The following MAF variants were observed in gnomAD, a reference collection of about 807,000 sequenced individuals.
The protein encoded by MAF is transcription factor Maf.
In MAF, 10 loss-of-function variants were observed where a neutral mutation model predicts 22.0. That is an observed-to-expected ratio of 0.45 (90% CI 0.28 to 0.77). MAF has a LOEUF of 0.77. MAF is among the 30% of genes least tolerant of loss of function. The probability of loss-of-function intolerance (pLI) is 0.12; values close to 1 mark genes in which losing one functional copy is unlikely to be tolerated. For synonymous variants in MAF, 337 were observed against 255.8 expected, an observed-to-expected ratio of 1.32 and a Z score of -3.03; for missense variants, 544 against 548.4, an observed-to-expected ratio of 0.99 and a Z score of 0.08.
At chr16:79,375,499 G>GTGA in the MAF span, among the ~76,000 whole-genome samples, 1 of 151,952 alleles carries the variant, frequency 6.6e-6, no homozygotes, top group Non-Finnish European at 1.5e-5. Context: ...GATAATGATG[G>GTGA]TGATGATGAT....
chr16:79,520,495 G>A, the MAF span, among the ~76,000 whole-genome samples: 1 of 152,136 alleles, frequency 6.6e-6, no homozygotes, highest in Non-Finnish European at 1.5e-5. Context: ...GCGTGTGTGT[G>A]TGTGTGCTTG....
the MAF span, among the ~76,000 whole-genome samples, chr16:79,534,501 T>C: frequency 6.7e-6 from 1 of 148,624 alleles, no homozygotes; most frequent in Non-Finnish European, 1.5e-5. Context: ...TATCCTTTTA[T>C]CCACCAAACC....
chr16:79,599,277 G>A lies in MAF; in HGVS notation c.626C>T (p.Ser209Leu), dbSNP rs915878123. Residue 209 changes from serine to leucine, a missense_variant, in exon 1 of 2, where the codon TCG becomes TTG. Physicochemically the swap from Ser to Leu is moderately radical, Grantham distance 145 (BLOSUM62 -2). Around this residue, in one of 5 missense-constraint regions of MAF, gnomAD observed 342 missense variants for 315.5 expected, o/e 1.08. Coordinates refer to ENST00000326043, the MANE Select transcript of MAF (RefSeq NM_005360.5). ...APGAAGSAAA[S>L]AGGAGGAGGG... is the part of the protein sequence containing the mutation. ...GCCCGCGCCCCCAGCGCCACCGGCCGAGGCGGCCGCGCTGCCCGCGGCGCC... is the reference window on the plus strand; with the variant it reads ...GCCCGCGCCCCCAGCGCCACCGGCCAAGGCGGCCGCGCTGCCCGCGGCGCC... 9.2e-6 allele frequency: 9 copies of A among 978,752 alleles called. No homozygotes were observed. In the African/African-American group the frequency reaches 1.2e-4, roughly 13 times the overall value. 60.6% of individuals were successfully genotyped at this position (978,752 alleles called of 1,614,324 possible).
At chr16:79,308,654 G>C in the MAF span, among the ~76,000 whole-genome samples, 1 of 152,122 alleles carries the variant, frequency 6.6e-6, no homozygotes, top group Non-Finnish European at 1.5e-5. Context: ...CAGTTGCCTG[G>C]GAATGTATTG....
chr16:79,594,972 T>G lies in MAF; in HGVS notation c.1119-419A>C. The G allele has an allele frequency of 2.8e-6, 3 of 1,088,214 alleles. No individual in the cohort carries two copies. The African/African-American group carries it at 4.9e-5, about 18-fold the overall frequency. The allele number at this position is 1,088,214 out of a possible 1,614,324, so 67.4% of individuals were successfully genotyped here. A position where few individuals can be genotyped will look rare whatever the true frequency, so the allele number is the denominator to read the frequency against. ...TATTTTCCTTCCAATCCAGGCCTCATTTGTCATGAGATAACTGCAATAACT... is the reference window on the plus strand; with the variant it reads ...TATTTTCCTTCCAATCCAGGCCTCAGTTGTCATGAGATAACTGCAATAACT... On this transcript the variant is annotated intron_variant, in intron 1 of 1. Transcript: ENST00000326043.
chr16:79,517,789 G>T, the MAF span, among the ~76,000 whole-genome samples: 1 of 152,024 alleles, frequency 6.6e-6, no homozygotes, highest in Admixed American at 6.6e-5. Flanking sequence ...TGGCCAGGCT[G>T]GTCTCAAACT....
chr16:79,348,473 C>T, the MAF span, among the ~76,000 whole-genome samples: 3 of 152,044 alleles, frequency 2.0e-5, no homozygotes, highest in African/African-American at 7.2e-5. Context: ...TTCTGGGACA[C>T]GTAATGTTAT....
chr16:79,217,886 T>G, the MAF span, among the ~76,000 whole-genome samples: 1 of 148,394 alleles, frequency 6.7e-6, no homozygotes, highest in Non-Finnish European at 1.5e-5. Context: ...GAAGGAGGCC[T>G]GATGACGTTC....
the MAF span, among the ~76,000 whole-genome samples, chr16:79,292,385 A>G: frequency 6.6e-6 from 1 of 152,176 alleles, no homozygotes; most frequent in Non-Finnish European, 1.5e-5. Context: ...AGTTAGAGGC[A>G]AGGAAATTCT....
At chr16:79,275,808 G>A in the MAF span, among the ~76,000 whole-genome samples, 1 of 152,190 alleles carries the variant, frequency 6.6e-6, no homozygotes, top group African/African-American at 2.4e-5. Context: ...AAAATGGAAA[G>A]GAAGTTCATT....
chr16:79,599,095 ACATGG>A lies in MAF; in HGVS notation c.803_807del (p.Thr268IlefsTer106). ...AGCTGCCGGTTCAGCTCGCGCACAG[ACATGG>A]TCACCAGCTGCTCGTCGGAGAAGCG... On this transcript the variant is annotated frameshift_variant, in exon 1 of 2. Transcript: ENST00000326043. LOFTEE classifies it high-confidence loss of function. 2 of 1,607,122 alleles carry A rather than the reference ACATGG, an allele frequency of 1.2e-6. No individual in the cohort carries two copies. Among genetic ancestry groups the A allele is most frequent in the Admixed American group, 1.7e-5 (1 of 59,878 alleles).
At chr16:79,570,643 G>C in the MAF span, among the ~76,000 whole-genome samples, 1 of 152,146 alleles carries the variant, frequency 6.6e-6, no homozygotes, top group African/African-American at 2.4e-5. Flanking sequence ...TCTATGGGTG[G>C]GTCAGGATAA....
the MAF span, among the ~76,000 whole-genome samples, chr16:79,224,819 C>T: frequency 2.0e-5 from 3 of 152,210 alleles, no homozygotes; most frequent in East Asian, 3.9e-4. Flanking sequence ...TATGAAAGAC[C>T]TCTTCAAGGA....
chr16:79,315,185 C>T, the MAF span, among the ~76,000 whole-genome samples: 1 of 152,134 alleles, frequency 6.6e-6, no homozygotes, highest in African/African-American at 2.4e-5. Context: ...GAGCAAATAT[C>T]ATTCCTGCCC....
chr16:79,364,490 G>T, the MAF span, among the ~76,000 whole-genome samples: 35 of 152,284 alleles, frequency 2.3e-4, no homozygotes, highest in African/African-American at 8.4e-4. Context: ...GAAGAGGAAC[G>T]GTCCCAGAAC....
the MAF span, among the ~76,000 whole-genome samples, chr16:79,327,671 T>C: frequency 6.6e-6 from 1 of 152,202 alleles, no homozygotes; most frequent in African/African-American, 2.4e-5. Flanking sequence ...ATACACATTT[T>C]TGTTCATCGT....
chr16:79,253,373 T>A, the MAF span, among the ~76,000 whole-genome samples: 2 of 152,196 alleles, frequency 1.3e-5, no homozygotes, highest in Admixed American at 1.3e-4. Context: ...TCTGCAGCTT[T>A]TTCCAGAGAT....
the MAF span, among the ~76,000 whole-genome samples, chr16:79,494,809 G>A: frequency 6.6e-6 from 1 of 152,292 alleles, no homozygotes; most frequent in South Asian, 2.1e-4. Flanking sequence ...TCAGTCATAA[G>A]TCTGGGCCTC....
At chr16:79,272,669 C>G in the MAF span, among the ~76,000 whole-genome samples, 36 of 152,250 alleles carry the variant, frequency 2.4e-4, no homozygotes, top group Non-Finnish European at 7.3e-5. Flanking sequence ...AGAGCCGATA[C>G]TCTGAGTTAA....
Sources: allele counts gnomAD v4.1 joint callset (sites outside exome capture counted in the v4.1 genomes callset), GRCh38; gene constraint gnomAD v4.1.1; regional missense constraint gnomAD v4.1.1; transcripts MANE v1.5; gene names NCBI Gene and HGNC (gene_info 2026-07-23, HGNC 2026-07-21).